TRIM44: variants seen among roughly 807,000 people sequenced by gnomAD.
TRIM44 encodes the protein tripartite motif-containing protein 44.
TRIM44 carries 13 observed loss-of-function variants against 37.4 expected under a neutral mutation model. That is an observed-to-expected ratio of 0.35 (90% CI 0.23 to 0.55). The LOEUF is 0.55. Among genes scored for constraint, TRIM44 ranks in the 20% least tolerant of loss-of-function variants. TRIM44 has a pLI of 0.89. For missense variants in TRIM44, 426 were observed against 437.2 expected (o/e 0.97, Z 0.23); for synonymous variants, 175 against 157.2 (o/e 1.11, Z -0.85).
At chr11:35,793,688 C>G (rs1026279159) in intron 4 of TRIM44, among the ~76,000 whole-genome samples, 2 of 152,120 alleles carry the variant, frequency 1.3e-5, no homozygotes, top group Admixed American at 6.5e-5. Context: ...TGAGGCATTA[C>G]CAATAACCCA....
intron 2 of TRIM44, among the ~76,000 whole-genome samples, chr11:35,699,490 A>G (rs538484965): frequency 6.6e-6 from 1 of 152,224 alleles, no homozygotes; most frequent in East Asian, 1.9e-4. Context: ...ACCCACAGCC[A>G]ATATCATACT....
intron 2 of TRIM44, among the ~76,000 whole-genome samples, chr11:35,725,631 C>T (rs997500204): frequency 5.3e-5 from 8 of 151,988 alleles, no homozygotes; most frequent in South Asian, 2.1e-4. Flanking sequence ...CCACCACGCC[C>T]GGCCTCATTT....
chr11:35,742,821 TTAA>T (rs1158063628), intron 4 of TRIM44, among the ~76,000 whole-genome samples: 1 of 143,134 alleles, frequency 7.0e-6, no homozygotes, highest in Non-Finnish European at 1.5e-5. Context: ...AATTATAATA[TTAA>T]TTATACATTA....
At chr11:35,783,419 T>G (rs906194782) in intron 4 of TRIM44, among the ~76,000 whole-genome samples, 4 of 152,226 alleles carry the variant, frequency 2.6e-5, no homozygotes, top group African/African-American at 7.2e-5. Context: ...GACCCACTCC[T>G]GTTTCTTCAT....
At chr11:35,746,143 G>A (rs113524502) in intron 4 of TRIM44, among the ~76,000 whole-genome samples, 7,095 of 152,270 alleles carry the variant, frequency 0.047, 555 homozygotes, top group African/African-American at 0.16. Context: ...ATGCTGAGGA[G>A]TCTAGCTGCA....
At chr11:35,725,817 G>C (rs1489289424) in intron 2 of TRIM44, 107 bp from the exon 3 acceptor site, 2 of 1,225,932 alleles carry the variant, frequency 1.6e-6, no homozygotes, top group Admixed American at 4.9e-5. Context: ...TTTAGGATTG[G>C]ATAGGATCCA....
At chr11:35,760,622 C>A (rs558846702) in intron 4 of TRIM44, among the ~76,000 whole-genome samples, 1 of 152,272 alleles carries the variant, frequency 6.6e-6, no homozygotes, top group African/African-American at 2.4e-5. Context: ...TGTTCCTATT[C>A]GGCCATCTTG....
chr11:35,730,836 A>T (rs1273281319), intron 3 of TRIM44, among the ~76,000 whole-genome samples: 2 of 149,446 alleles, frequency 1.3e-5, no homozygotes, highest in African/African-American at 2.4e-5. Flanking sequence ...TGGTTTTTAT[A>T]TATTAGCCTT....
chr11:35,757,477 G>GT (rs1482400649), intron 4 of TRIM44, among the ~76,000 whole-genome samples: 1 of 152,058 alleles, frequency 6.6e-6, no homozygotes, highest in Non-Finnish European at 1.5e-5. Context: ...TTTTTGAAGG[G>GT]TTTTTTATGT....
rs1270614935 is a variant in TRIM44, at chr11:35,807,541, C to T, written c.*1156C>T. ...TCTACTTCCAAATCACAATTTCTTA[C>T]AACCAAGCTTTGTGCTCCCGAGTAA... On this transcript the variant is annotated 3_prime_UTR_variant, in exon 5 of 5. Coordinates refer to ENST00000299413, the MANE Select transcript of TRIM44 (RefSeq NM_017583.6). 6.6e-6 allele frequency: 1 copy of T among 152,138 alleles called. No homozygotes were observed. The highest frequency in any genetic ancestry group is 1.5e-5 in the Non-Finnish European group (1 of 68,014). The allele number at this position is 152,138 out of a possible 1,614,324, so 9.4% of individuals were successfully genotyped here.
At position 35,791,419 on chromosome 11, in the gene TRIM44, G is replaced by C. The variant is rs115402506; in HGVS notation, c.1008-14939G>C. Among the ~76,000 whole-genome samples the C allele has an allele frequency of 7.2e-3, 1,102 of 152,160 alleles. 19 individuals are homozygous for C. The highest frequency in any genetic ancestry group is 0.025 in the African/African-American group (1,056 of 41,482). On this transcript the variant is annotated intron_variant, in intron 4 of 4. Coordinates refer to ENST00000299413, the MANE Select transcript of TRIM44 (RefSeq NM_017583.6). ...CACATTTTGAAGTGCTGGCAATGTG[G>C]TAGATGCCATATGGAGCCCTGACAC... is the stretch of plus-strand genomic sequence containing the variant.
chr11:35,747,229 G>A (rs1026701387), intron 4 of TRIM44, among the ~76,000 whole-genome samples: 1 of 152,218 alleles, frequency 6.6e-6, no homozygotes, highest in Non-Finnish European at 1.5e-5. Context: ...AGGGTTAATA[G>A]TTATCCAGCA....
At chr11:35,719,381 TAGTG>T (rs144650880) in intron 2 of TRIM44, among the ~76,000 whole-genome samples, 1,612 of 152,308 alleles carry the variant, frequency 0.011, 31 homozygotes, top group African/African-American at 0.037. Flanking sequence ...CATATCTTCT[TAGTG>T]AGGTGTCTGT....
rs1180518840 is a variant in TRIM44 at position 35,685,243 on chromosome 11, C to G, written c.670-16C>G. 1 of 1,612,594 alleles carries G rather than the reference C, an allele frequency of 6.2e-7. No individual in the cohort carries two copies. The highest frequency in any genetic ancestry group is 8.5e-7 in the Non-Finnish European group (1 of 1,178,968). Reference sequence around the variant, plus strand: ...CAAAATGCTGTCTAGTGACCCCTCACTTTTCTTTCTTCTAGAGCAAAGACT... The same window carrying G: ...CAAAATGCTGTCTAGTGACCCCTCAGTTTTCTTTCTTCTAGAGCAAAGACT... On this transcript the variant is annotated splice_polypyrimidine_tract_variant and intron_variant, in intron 1 of 4. Transcript: ENST00000299413.
chr11:35,696,496 A>G (rs1851700207), intron 2 of TRIM44, among the ~76,000 whole-genome samples: 1 of 151,954 alleles, frequency 6.6e-6, no homozygotes, highest in African/African-American at 2.4e-5. Flanking sequence ...TGAAGACTTA[A>G]CTTTCCGAAT....
At chr11:35,725,341 TG>T (rs1384833484) in intron 2 of TRIM44, among the ~76,000 whole-genome samples, 4 of 152,134 alleles carry the variant, frequency 2.6e-5, no homozygotes, top group African/African-American at 9.7e-5. Flanking sequence ...TTTCGTTTTT[TG>T]TTTTGTTTTG....
chr11:35,778,225 C>A lies in TRIM44; in HGVS notation c.1008-28133C>A, dbSNP rs1024162511. On this transcript the variant is annotated intron_variant, in intron 4 of 4. Coordinates refer to ENST00000299413, the MANE Select transcript of TRIM44 (RefSeq NM_017583.6). ...TTCATTTCATCCTCGATCACTGATA[C>A]CCTTTCTTCCACTTGATCAAATCAG... is the stretch of plus-strand genomic sequence containing the variant. Among the ~76,000 whole-genome samples, 18 of 152,266 alleles carry A rather than the reference C, an allele frequency of 1.2e-4. 1 individual carries two copies. Among genetic ancestry groups the A allele is most frequent in the Middle Eastern group, 6.8e-3 (2 of 294 alleles).
At chr11:35,785,664 C>A (rs1303953778) in intron 4 of TRIM44, among the ~76,000 whole-genome samples, 1 of 152,242 alleles carries the variant, frequency 6.6e-6, no homozygotes, top group Admixed American at 6.5e-5. Context: ...AGCTGGCAGG[C>A]AAGCCTGGGA....
intron 2 of TRIM44, among the ~76,000 whole-genome samples, chr11:35,717,368 G>A (rs1259365483): frequency 6.6e-6 from 1 of 152,102 alleles, no homozygotes; most frequent in Non-Finnish European, 1.5e-5. Flanking sequence ...GGGAAAAAAG[G>A]GTAGCAAGTG....
Sources: gnomAD v4.1 joint callset for allele counts (sites outside exome capture counted in the v4.1 genomes callset) on GRCh38, gnomAD v4.1.1 for gene constraint, MANE v1.5 for transcripts, NCBI Gene and HGNC (gene_info 2026-07-23, HGNC 2026-07-21) for gene names.